Variants in CAMTA1 observed in about 807,000 individuals in gnomAD.
The protein encoded by CAMTA1 is calmodulin binding transcription activator 1, also known as calmodulin-binding transcription activator 1.
A neutral mutation model predicts 170.9 loss-of-function variants in CAMTA1; 27 were observed. That is an observed-to-expected ratio of 0.16 (90% CI 0.12 to 0.22). The LOEUF (loss-of-function observed/expected upper bound fraction) is 0.22, where lower values mean the gene tolerates loss of function less well. CAMTA1 is among the 10% of genes least tolerant of loss of function. The probability of loss-of-function intolerance (pLI) is 1.00; values close to 1 mark genes in which losing one functional copy is unlikely to be tolerated. For synonymous variants in CAMTA1, 833 were observed against 891.5 expected (o/e 0.93, Z 1.17); for missense variants, 1,619 against 2,217.2 (o/e 0.73, Z 5.42).
rs529188677 is a variant in CAMTA1 at position 7,493,080 on chromosome 1, C to A, written c.510+25179C>A. On this transcript the variant is annotated intron_variant, in intron 6 of 22. Coordinates refer to ENST00000303635, the MANE Select transcript of CAMTA1 (RefSeq NM_015215.4). ...ACACGCGCGCACACACACAGACATA[C>A]AAACGTGAGCACACAACACAAACCT... Among the ~76,000 whole-genome samples the A allele has an allele frequency of 1.8e-3, 223 of 123,076 alleles. 5 individuals are homozygous for A. The Middle Eastern group carries it at 0.023, about 13-fold the overall frequency. 80.7% of individuals were successfully genotyped at this position (123,076 alleles called of 152,430 possible). A position where few individuals can be genotyped will look rare whatever the true frequency, so the allele number is the denominator to read the frequency against.
rs953592718 is a variant in CAMTA1 at position 7,224,341 on chromosome 1, G to A, written c.303-25150G>A. Among the ~76,000 whole-genome samples the A allele has an allele frequency of 3.3e-5, 5 of 152,094 alleles. No individual in the cohort carries two copies. The highest frequency in any genetic ancestry group is 9.7e-5 in the African/African-American group (4 of 41,414). On this transcript the variant is annotated intron_variant, in intron 4 of 22. Coordinates refer to ENST00000303635, the MANE Select transcript of CAMTA1 (RefSeq NM_015215.4). The surrounding 1 kb of genome is among the most constrained non-coding windows in gnomAD (Gnocchi z 5.2). ...CCACTGGATGGCCTAAATTTGCACC[G>A]CTCTGCAGGCTCTCGTCCCAGTTGG...
chr1:7,514,061 G>A (rs2094244930), intron 6 of CAMTA1, among the ~76,000 whole-genome samples: 1 of 152,208 alleles, frequency 6.6e-6, no homozygotes, highest in African/African-American at 2.4e-5. Context: ...TTTCAAGTCA[G>A]ATCACATTCT....
chr1:7,588,982 C>G lies in CAMTA1; in HGVS notation c.511-51418C>G, dbSNP rs565806920. 2.4e-4 allele frequency among the ~76,000 whole-genome samples: 37 copies of G among 152,336 alleles called. No homozygotes were observed. The highest frequency in any genetic ancestry group is 1.6e-3 in the Admixed American group (25 of 15,304). ...AATTGAAAACCAAGCAATTTACCTT[C>G]AATCGCTTCTCAGAATTTTGCGCAG... On this transcript the variant is annotated intron_variant, in intron 6 of 22. Transcript: ENST00000303635. The surrounding 1 kb of genome is among the most constrained non-coding windows in gnomAD (Gnocchi z 5.8).
chr1:7,032,572 G>C (rs1702954823), intron 3 of CAMTA1, among the ~76,000 whole-genome samples: 1 of 152,002 alleles, frequency 6.6e-6, no homozygotes, highest in Non-Finnish European at 1.5e-5. Context: ...GCTTTAAGTA[G>C]TTGTTTATCT....
intron 3 of CAMTA1, among the ~76,000 whole-genome samples, chr1:7,023,185 T>C (rs1357693470): frequency 6.6e-6 from 1 of 152,244 alleles, no homozygotes; most frequent in Non-Finnish European, 1.5e-5. Context: ...AAGCTGTATA[T>C]AGATATGAGA....
intron 5 of CAMTA1, chr1:7,389,889 G>A (rs564502227): frequency 7.9e-5 from 12 of 152,502 alleles, no homozygotes; most frequent in African/African-American, 2.9e-4. Flanking sequence ...GGCTGCTGTT[G>A]GGGGTCCCGT....
intron 4 of CAMTA1, among the ~76,000 whole-genome samples, chr1:7,096,956 T>A (rs964192984): frequency 3.3e-5 from 5 of 152,196 alleles, no homozygotes; most frequent in African/African-American, 1.2e-4. Context: ...ATCCCACCTC[T>A]AGGTACTGCT....
intron 3 of CAMTA1, among the ~76,000 whole-genome samples, chr1:7,078,404 G>A (rs1452603111): frequency 5.3e-5 from 8 of 152,132 alleles, no homozygotes; most frequent in East Asian, 3.9e-4. Context: ...AGGCAGAATC[G>A]GTATTGAGTC....
At chr1:7,102,942 C>T (rs1273316646) in intron 4 of CAMTA1, among the ~76,000 whole-genome samples, 1 of 152,180 alleles carries the variant, frequency 6.6e-6, no homozygotes, top group Non-Finnish European at 1.5e-5. Flanking sequence ...CCGACTGCTT[C>T]CTGTGTGCCA....
intron 5 of CAMTA1, among the ~76,000 whole-genome samples, chr1:7,392,502 G>C (rs952663145): frequency 7.8e-4 from 117 of 150,614 alleles, no homozygotes; most frequent in Middle Eastern, 6.8e-3. Context: ...TGATCCACCT[G>C]CCTTGGCCTC....
intron 17 of CAMTA1, among the ~76,000 whole-genome samples, chr1:7,745,461 G>A (rs2096850504): frequency 2.0e-5 from 3 of 152,140 alleles, no homozygotes. Flanking sequence ...AAGAGGCGGA[G>A]GTTACAATCA....
chr1:7,451,688 CT>C (rs2092828597), intron 5 of CAMTA1, among the ~76,000 whole-genome samples: 1 of 152,174 alleles, frequency 6.6e-6, no homozygotes, highest in South Asian at 2.1e-4. Flanking sequence ...AGCACGTTCT[CT>C]GTGGCTGCTC....
At chr1:7,672,637 G>C (rs575796875) in intron 10 of CAMTA1, among the ~76,000 whole-genome samples, 18 of 152,204 alleles carry the variant, frequency 1.2e-4, no homozygotes, top group African/African-American at 4.1e-4. Context: ...GGCCAGGCTG[G>C]TCTCGAACTC....
At chr1:6,904,150 A>C (rs1194197527) in intron 3 of CAMTA1, among the ~76,000 whole-genome samples, 1 of 152,158 alleles carries the variant, frequency 6.6e-6, no homozygotes, top group African/African-American at 2.4e-5. Context: ...TCACCACAGA[A>C]ATCGTGCATC....
intron 6 of CAMTA1, among the ~76,000 whole-genome samples, chr1:7,497,653 A>G (rs562007491): frequency 1.3e-5 from 2 of 152,164 alleles, no homozygotes; most frequent in African/African-American, 4.8e-5. Flanking sequence ...TACCACTTTC[A>G]TTTTTCACTG....
intron 6 of CAMTA1, among the ~76,000 whole-genome samples, chr1:7,599,890 G>C (rs1373445133): frequency 6.6e-6 from 1 of 152,140 alleles, no homozygotes; most frequent in Non-Finnish European, 1.5e-5. Context: ...CTGCAAACAG[G>C]GACGATTTGA....
chr1:7,009,958 G>A (rs531857925), intron 3 of CAMTA1, among the ~76,000 whole-genome samples: 1 of 152,338 alleles, frequency 6.6e-6, no homozygotes, highest in South Asian at 2.1e-4. Context: ...CCTTGGCAGG[G>A]ATTGGAGCAC....
intron 4 of CAMTA1, among the ~76,000 whole-genome samples, chr1:7,209,929 C>G (rs1658452208): frequency 6.6e-6 from 1 of 152,182 alleles, no homozygotes; most frequent in Non-Finnish European, 1.5e-5. Flanking sequence ...TTTATCATAT[C>G]TGTCTTATCA....
At chr1:7,298,173 C>T (rs960899745) in intron 5 of CAMTA1, among the ~76,000 whole-genome samples, 1 of 152,158 alleles carries the variant, frequency 6.6e-6, no homozygotes, top group Non-Finnish European at 1.5e-5. Context: ...CAATGGGAAG[C>T]CTTTGGATGG....
Sources: allele counts gnomAD v4.1 joint callset (sites outside exome capture counted in the v4.1 genomes callset), GRCh38; gene constraint gnomAD v4.1.1; non-coding constraint Gnocchi (gnomAD v3.1); transcripts MANE v1.5; gene names NCBI Gene and HGNC (gene_info 2026-07-23, HGNC 2026-07-21).